The following SPAG9 variants were observed in gnomAD, a reference collection of about 807,000 sequenced individuals.
The protein encoded by SPAG9 is sperm associated antigen 9.
SPAG9 carries 35 observed loss-of-function variants against 166.5 expected under a neutral mutation model. That is an observed-to-expected ratio of 0.21 (90% CI 0.16 to 0.28). The LOEUF is 0.28. Among genes scored for constraint, SPAG9 ranks in the 10% least tolerant of loss-of-function variants. The pLI is 1.00. For synonymous variants in SPAG9, 534 were observed against 565.5 expected (o/e 0.94, Z 0.79); for missense variants, 1,235 against 1,603.3 (o/e 0.77, Z 3.92).
At chr17:51,000,358 C>T (rs942032830) in intron 13 of SPAG9, among the ~76,000 whole-genome samples, 2 of 152,170 alleles carry the variant, frequency 1.3e-5, no homozygotes, top group African/African-American at 4.8e-5. Context: ...TTCTTTACTT[C>T]AGTGAAGTAG....
At chr17:51,104,429 G>A (rs1254633200) in intron 1 of SPAG9, among the ~76,000 whole-genome samples, 2 of 152,134 alleles carry the variant, frequency 1.3e-5, no homozygotes, top group Admixed American at 6.6e-5. Context: ...CCAAGGTCGC[G>A]AGATCAAGAC....
In SPAG9 at chr17:50,966,268, G is replaced by A. The variant is rs1973356571; in HGVS notation, c.*4C>T. On this transcript the variant is annotated 3_prime_UTR_variant, in exon 30 of 30. Coordinates refer to ENST00000262013, the MANE Select transcript of SPAG9 (RefSeq NM_001130528.3). ...TTCCCCATCTCCACCTGTTTCCCAT[G>A]GGCTCACTCATTGCCATACATCACT... 1.9e-6 allele frequency: 3 copies of A among 1,573,678 alleles called. No homozygotes were observed. Among genetic ancestry groups the A allele is most frequent in the Admixed American group, 3.3e-5 (2 of 59,950 alleles).
chr17:51,100,575 T>A (rs560762268), intron 1 of SPAG9, among the ~76,000 whole-genome samples: 2 of 151,922 alleles, frequency 1.3e-5, no homozygotes, highest in East Asian at 3.9e-4. Context: ...AAGGCTGCAG[T>A]GAGCCATAAT....
intron 1 of SPAG9, among the ~76,000 whole-genome samples, chr17:51,118,928 G>A (rs1568105163): frequency 1.3e-5 from 2 of 151,074 alleles, no homozygotes; most frequent in African/African-American, 2.4e-5. Context: ...TAGCTCCTTA[G>A]GAAGCTGAGG....
chr17:50,988,938 G>A (rs1309146105), intron 21 of SPAG9, among the ~76,000 whole-genome samples: 2 of 152,028 alleles, frequency 1.3e-5, no homozygotes, highest in East Asian at 1.9e-4. Context: ...TACAATGGCA[G>A]ATTTAAACAA....
chr17:51,105,013 G>A (rs1032811278), intron 1 of SPAG9, among the ~76,000 whole-genome samples: 1 of 151,194 alleles, frequency 6.6e-6, no homozygotes, highest in African/African-American at 2.4e-5. Context: ...GGAGAATGGT[G>A]TGAACTGGGG....
chr17:51,040,695 G>A (rs2046803545), intron 5 of SPAG9, among the ~76,000 whole-genome samples: 1 of 152,140 alleles, frequency 6.6e-6, no homozygotes, highest in South Asian at 2.1e-4. Context: ...CAGTATTTTA[G>A]AAGCATTGTT....
chr17:51,052,972 T>G (rs1340775206), intron 3 of SPAG9, among the ~76,000 whole-genome samples: 2 of 151,826 alleles, frequency 1.3e-5, no homozygotes, highest in Non-Finnish European at 2.9e-5. Context: ...GGTGGGAGAA[T>G]TACTTGAACC....
intron 1 of SPAG9, among the ~76,000 whole-genome samples, chr17:51,097,864 C>T (rs1206352415): frequency 6.6e-6 from 1 of 152,146 alleles, no homozygotes; most frequent in Non-Finnish European, 1.5e-5. Flanking sequence ...GTGACACGAT[C>T]CCAGCTCACT....
At chr17:51,076,834 C>T (rs1300412221) in intron 2 of SPAG9, among the ~76,000 whole-genome samples, 1 of 152,006 alleles carries the variant, frequency 6.6e-6, no homozygotes, top group Non-Finnish European at 1.5e-5. Flanking sequence ...AGTCTGTCAA[C>T]TGTGTCTTTA....
At chr17:50,971,306 TAA>T (rs1973777815) in intron 28 of SPAG9, among the ~76,000 whole-genome samples, 1 of 110,370 alleles carries the variant, frequency 9.1e-6, no homozygotes, top group Non-Finnish European at 1.8e-5. Flanking sequence ...ACCTTGCTTC[TAA>T]AAAACAAACA....
At position 51,021,185 on chromosome 17, in the gene SPAG9, C is replaced by T; in HGVS notation, c.964G>A (p.Ala322Thr). The T allele has an allele frequency of 4.3e-6, 7 of 1,614,000 alleles. No homozygotes were observed. Among genetic ancestry groups the T allele is most frequent in the Non-Finnish European group, 5.9e-6 (7 of 1,179,968 alleles). Residue 322 changes from alanine (A) to threonine (T), a missense_variant, in exon 7 of 30, where the codon GCC (alanine) becomes ACC (threonine). Ala to Thr is a moderately conservative substitution (Grantham distance 58). Around this residue, in one of 6 missense-constraint regions of SPAG9, gnomAD observed 288 missense variants for 323.7 expected, o/e 0.89. Transcript: ENST00000262013. ...GTAGATACATTTCTAGTTTCCTGGG[C>T]TACCTGTACTTCAATGTGTTTGCTT... ...EISKHIEVQV[A>T]QETRNVSTGS... is the part of the protein sequence containing the mutation.
chr17:51,065,191 T>C (rs1373059338), intron 2 of SPAG9, among the ~76,000 whole-genome samples: 1 of 152,120 alleles, frequency 6.6e-6, no homozygotes, highest in African/African-American at 2.4e-5. Context: ...AGATTTCAAT[T>C]TTTAATTTTA....
chr17:51,035,877 G>GTA (rs1488427681), intron 5 of SPAG9, among the ~76,000 whole-genome samples: 1 of 152,134 alleles, frequency 6.6e-6, no homozygotes, highest in Non-Finnish European at 1.5e-5. Context: ...GAGTACATAT[G>GTA]TATACACATG....
intron 6 of SPAG9, among the ~76,000 whole-genome samples, chr17:51,025,307 ACT>A (rs1166863327): frequency 9.4e-6 from 1 of 106,072 alleles, no homozygotes; most frequent in East Asian, 2.7e-4. Context: ...ACAGGGTGAG[ACT>A]CTGTCTCAAA....
At position 50,995,152 on chromosome 17, in the gene SPAG9, C is replaced by T. The variant is rs895948071; in HGVS notation, c.2131G>A (p.Val711Ile). The T allele has an allele frequency of 1.2e-6, 2 of 1,613,936 alleles. No homozygotes were observed. The highest frequency in any genetic ancestry group is 1.7e-6 in the Non-Finnish European group (2 of 1,179,950). Residue 711 changes from valine to isoleucine, a missense_variant, in exon 18 of 30, where the codon GTA becomes ATA. Transcript: ENST00000262013. ...RDGGSVVGASVFYKDVAGLDT... is the reference protein window; with the variant it reads ...RDGGSVVGASIFYKDVAGLDT... ...AAACCAGCAACATCCTTGTAAAATA[C>T]ACTTGCTCCAACAACAGAACCACCA...
intron 29 of SPAG9, among the ~76,000 whole-genome samples, chr17:50,966,736 GTCACTTA>G (rs1481523420): frequency 6.6e-6 from 1 of 152,216 alleles, no homozygotes; most frequent in Non-Finnish European, 1.5e-5. Context: ...AGAGTCTACT[GTCACTTA>G]TTTTAAACTA....
chr17:51,109,163 A>G (rs1453652703), intron 1 of SPAG9, among the ~76,000 whole-genome samples: 1 of 152,062 alleles, frequency 6.6e-6, no homozygotes, highest in Non-Finnish European at 1.5e-5. Flanking sequence ...CGCCTGGCCA[A>G]TGTGCTAATT....
rs1464987031 is a variant in SPAG9, at chr17:51,120,754, AGGGCT to A, written c.-103_-99del. The A allele has an allele frequency of 1.8e-6, 2 of 1,085,772 alleles. No homozygotes were observed. The highest frequency in any genetic ancestry group is 1.3e-6 in the Non-Finnish European group (1 of 792,818). 67.3% of individuals were successfully genotyped at this position (1,085,772 alleles called of 1,614,324 possible). A position where few individuals can be genotyped will look rare whatever the true frequency, so the allele number is the denominator to read the frequency against. ...CCCGACTCGGGCTGGGACGGGTACT[AGGGCT>A]GGAGCCCGGGCCGGGGCTGGGGCTG... is the stretch of plus-strand genomic sequence containing the variant. On this transcript the variant is annotated 5_prime_UTR_variant, in exon 1 of 30. Transcript: ENST00000262013. The surrounding 1 kb of genome is among the most constrained non-coding windows in gnomAD (Gnocchi z 4.7).
Sources: gnomAD v4.1 joint callset for allele counts (sites outside exome capture counted in the v4.1 genomes callset) on GRCh38, gnomAD v4.1.1 for gene constraint, gnomAD v4.1.1 regional missense constraint, Gnocchi (gnomAD v3.1) non-coding constraint, MANE v1.5 for transcripts, NCBI Gene and HGNC (gene_info 2026-07-23, HGNC 2026-07-21) for gene names.